The following C6 variants were observed in gnomAD, a reference collection of about 807,000 sequenced individuals.
C6 encodes the protein complement C6, also known as complement component C6.
Under a neutral mutation model 112.9 loss-of-function variants are expected in C6, and 101 were observed. The observed-to-expected ratio is 0.89, with a 90% CI of 0.76 to 1.06. The LOEUF (loss-of-function observed/expected upper bound fraction) is 1.06. Among genes scored for constraint, C6 ranks in the 50% least tolerant of loss-of-function variants. C6 has a pLI of 0.00. For missense variants in C6, 1,202 were observed against 1,104.6 expected (o/e 1.09, Z -1.25); for synonymous variants, 431 against 384.1 (o/e 1.12, Z -1.43).
At chr5:41,240,485 C>T (rs1215269094) in intron 1 of C6, among the ~76,000 whole-genome samples, 1 of 152,150 alleles carries the variant, frequency 6.6e-6, no homozygotes, top group African/African-American at 2.4e-5. Flanking sequence ...CGGGATAACT[C>T]TTGGGCTTTC....
intron 1 of C6, among the ~76,000 whole-genome samples, chr5:41,258,461 C>T (rs920195637): frequency 6.6e-6 from 1 of 152,150 alleles, no homozygotes; most frequent in African/African-American, 2.4e-5. Flanking sequence ...TATATGTTAA[C>T]AGAAAAAGTT....
chr5:41,246,168 T>C (rs1362298065), intron 1 of C6, among the ~76,000 whole-genome samples: 1 of 152,154 alleles, frequency 6.6e-6, no homozygotes, highest in Non-Finnish European at 1.5e-5. Context: ...CAAATTTTAG[T>C]CCCAGTCTAA....
chr5:41,185,905 TG>T (rs1749729312), intron 6 of C6, among the ~76,000 whole-genome samples, 164 bp downstream of exon 6: 1 of 152,232 alleles, frequency 6.6e-6, no homozygotes, highest in African/African-American at 2.4e-5. Context: ...TTGATAACAC[TG>T]GCCTCATTGT....
intron 1 of C6, among the ~76,000 whole-genome samples, chr5:41,209,293 C>T (rs1196123028): frequency 6.6e-6 from 1 of 152,162 alleles, no homozygotes; most frequent in Non-Finnish European, 1.5e-5. Flanking sequence ...TGGAAGCATT[C>T]CCTTTGAAAA....
intron 4 of C6, among the ~76,000 whole-genome samples, chr5:41,197,183 T>A (rs1280536038): frequency 1.3e-5 from 2 of 152,152 alleles, no homozygotes; most frequent in African/African-American, 2.4e-5. Context: ...TGGTTAATAA[T>A]CTTCACTTAG....
chr5:41,235,210 A>T (rs373109627), intron 1 of C6, among the ~76,000 whole-genome samples: 8 of 132,304 alleles, frequency 6.0e-5, no homozygotes, highest in African/African-American at 2.0e-4. Context: ...ATATCTCCCA[A>T]TGCTATCCCT....
At chr5:41,154,741 A>ATGTG (rs1746732521) in intron 14 of C6, among the ~76,000 whole-genome samples, 1 of 152,180 alleles carries the variant, frequency 6.6e-6, no homozygotes, top group Admixed American at 6.5e-5. Context: ...TCACAGTCCT[A>ATGTG]TGTGTGTGAC....
intron 5 of C6, among the ~76,000 whole-genome samples, chr5:41,188,976 T>C (rs1256107395): frequency 6.6e-6 from 1 of 152,068 alleles, no homozygotes; most frequent in East Asian, 1.9e-4. Flanking sequence ...AGTATCTAAA[T>C]ATATAGTTCT....
At chr5:41,253,086 A>C (rs917556324) in intron 1 of C6, among the ~76,000 whole-genome samples, 1 of 152,246 alleles carries the variant, frequency 6.6e-6, no homozygotes, top group Non-Finnish European at 1.5e-5. Flanking sequence ...GGAAGAAGGC[A>C]TGGGCTTGAA....
chr5:41,229,412 T>C (rs930206551), intron 1 of C6, among the ~76,000 whole-genome samples: 1 of 152,086 alleles, frequency 6.6e-6, no homozygotes. Flanking sequence ...TTTTAGCTTT[T>C]CTTTTTGATT....
intron 1 of C6, among the ~76,000 whole-genome samples, chr5:41,244,269 A>T (rs1740896579): frequency 6.6e-6 from 1 of 152,232 alleles, no homozygotes; most frequent in African/African-American, 2.4e-5. Context: ...GACAACAATA[A>T]CAGCAGCAAA....
chr5:41,172,396 A>G, intron 8 of C6, 49 bp from the exon 9 acceptor site: 1 of 1,595,376 alleles, frequency 6.3e-7, no homozygotes. Flanking sequence ...ACCATTGACA[A>G]TTCAAAGAGG....
chr5:41,234,337 CG>C (rs1394935083), intron 1 of C6, among the ~76,000 whole-genome samples: 8 of 139,122 alleles, frequency 5.8e-5, no homozygotes, highest in African/African-American at 1.8e-4. Flanking sequence ...TCTACCCTTT[CG>C]TTTTTTTTTT....
intron 1 of C6, among the ~76,000 whole-genome samples, chr5:41,232,399 G>A (rs888563156): frequency 4.6e-5 from 7 of 152,006 alleles, no homozygotes; most frequent in Non-Finnish European, 7.4e-5. Flanking sequence ...AAGAAAAGTG[G>A]CAGAGAATTT....
At chr5:41,200,243 G>C (rs1750912459) in intron 3 of C6, among the ~76,000 whole-genome samples, 1 of 152,116 alleles carries the variant, frequency 6.6e-6, no homozygotes, top group Non-Finnish European at 1.5e-5. Flanking sequence ...AATTCCTCCA[G>C]GCCATAACAG....
At chr5:41,222,157 C>T (rs1287023270) in intron 1 of C6, among the ~76,000 whole-genome samples, 3 of 147,566 alleles carry the variant, frequency 2.0e-5, no homozygotes, top group Non-Finnish European at 4.5e-5. Context: ...CAGAGAGAGA[C>T]TCCATCTCAA....
In C6 at chr5:41,158,889, T is replaced by C. The variant is rs193022672; in HGVS notation, c.1857-104A>G. The stretch of plus-strand genomic sequence containing the variant: ...CATGTGTACACATTGCATACATATA[T>C]GTATTAAATAGAAAACATTACACAC... On this transcript the variant is annotated intron_variant, in intron 12 of 17. Transcript: ENST00000337836. 6.1e-4 allele frequency: 586 copies of C among 966,656 alleles called. 2 individuals are homozygous for C. The African/African-American group carries it at 8.6e-3, about 14-fold the overall frequency. The allele number at this position is 966,656 out of a possible 1,614,324, so 59.9% of individuals were successfully genotyped here. A position where few individuals can be genotyped will look rare whatever the true frequency, so the allele number is the denominator to read the frequency against.
chr5:41,236,472 G>A (rs1381458337), intron 1 of C6, among the ~76,000 whole-genome samples: 1 of 149,720 alleles, frequency 6.7e-6, no homozygotes, highest in East Asian at 2.0e-4. Context: ...GCTCCTGAAT[G>A]ACTACTGGGT....
chr5:41,189,082 G>T (rs1251958734), intron 5 of C6, among the ~76,000 whole-genome samples: 2 of 151,988 alleles, frequency 1.3e-5, no homozygotes, highest in African/African-American at 4.8e-5. Context: ...TGAGATACCA[G>T]TTCATAGCCA....
Sources: gnomAD v4.1 joint callset for allele counts (sites outside exome capture counted in the v4.1 genomes callset) on GRCh38, gnomAD v4.1.1 for gene constraint, MANE v1.5 for transcripts, NCBI Gene and HGNC (gene_info 2026-07-23, HGNC 2026-07-21) for gene names.